The following NEDD4L variants were observed in gnomAD, a reference collection of about 807,000 sequenced individuals.
The protein encoded by NEDD4L is E3 ubiquitin-protein ligase NEDD4-like.
Under a neutral mutation model 148.9 loss-of-function variants are expected in NEDD4L, and 54 were observed. The observed-to-expected ratio is 0.36, with a 90% confidence interval of 0.29 to 0.45. The LOEUF (loss-of-function observed/expected upper bound fraction) is 0.45, where lower values mean the gene tolerates loss of function less well. NEDD4L is among the 20% of genes least tolerant of loss of function. The pLI, the probability that NEDD4L is intolerant of heterozygous loss-of-function variation, is 1.00. For missense variants in NEDD4L, 856 were observed against 1,233.8 expected (o/e 0.69, Z 4.59); for synonymous variants, 433 against 440.7 (o/e 0.98, Z 0.22).
intron 24 of NEDD4L, among the ~76,000 whole-genome samples, chr18:58,378,274 T>C (rs2047839277): frequency 6.6e-6 from 1 of 152,184 alleles, no homozygotes; most frequent in South Asian, 2.1e-4. Flanking sequence ...TGGATCTCTC[T>C]GTTAAGATTT....
intron 5 of NEDD4L, among the ~76,000 whole-genome samples, chr18:58,279,806 G>A (rs1383543997): frequency 2.0e-5 from 3 of 152,144 alleles, no homozygotes; most frequent in Admixed American, 1.3e-4. Flanking sequence ...AAATATTGTG[G>A]CCTCTATTTA....
rs964462807 is a variant in NEDD4L at position 58,323,285 on chromosome 18, A to G, written c.464A>G (p.Lys155Arg). The change falls in exon 8 of 31, where the codon AAA becomes AGA. Residue 155 changes from lysine (K) to arginine (R), a missense_variant. Physicochemically the swap from Lys to Arg is conservative, Grantham distance 26 (BLOSUM62 2). This residue lies in a region of NEDD4L where 193 missense variants were observed against 244.2 expected (regional missense o/e 0.79). Transcript: ENST00000400345. ...CGATTGAAAATGGCCTATATGCCAA[A>G]AAATGGAGGTCAAGATGAAGAAAAC... is the stretch of plus-strand genomic sequence containing the variant. The part of the protein sequence containing the change: ...FLRLKMAYMP[K>R]NGGQDEENSD... 1 of 1,604,486 alleles carries G rather than the reference A, an allele frequency of 6.2e-7. No homozygotes were observed. The highest frequency in any genetic ancestry group is 2.2e-5 in the East Asian group (1 of 44,708).
chr18:58,065,800 C>T (rs1397086689), intron 1 of NEDD4L, among the ~76,000 whole-genome samples: 1 of 152,174 alleles, frequency 6.6e-6, no homozygotes, highest in Non-Finnish European at 1.5e-5. Context: ...TGAACCTTTT[C>T]TAGAAGTTAA....
chr18:58,235,106 G>A (rs146659922), intron 2 of NEDD4L, among the ~76,000 whole-genome samples: 53 of 151,874 alleles, frequency 3.5e-4, no homozygotes, highest in African/African-American at 1.2e-3. Context: ...GAAGGGCTTA[G>A]GACGGTGCTT....
intron 11 of NEDD4L, among the ~76,000 whole-genome samples, chr18:58,333,143 T>TG (rs1006520747): frequency 1.1e-4 from 17 of 151,808 alleles, no homozygotes; most frequent in South Asian, 4.2e-4. Context: ...CCAAGTGTGG[T>TG]GGGGGGGGCT....
chr18:58,317,979 C>T (rs754950251), intron 6 of NEDD4L, among the ~76,000 whole-genome samples: 20 of 152,230 alleles, frequency 1.3e-4, no homozygotes, highest in Middle Eastern at 3.4e-3. Context: ...GGCAGTAGAA[C>T]CCAAGTTGCG....
intron 1 of NEDD4L, among the ~76,000 whole-genome samples, chr18:58,074,434 ATTTTTT>A (rs544878321): frequency 1.8e-5 from 2 of 111,764 alleles, no homozygotes; most frequent in Non-Finnish European, 1.9e-5. Context: ...AATTTTTTGT[ATTTTTT>A]TTTTTTTTTT....
chr18:58,285,495 A>T (rs2053766405), intron 5 of NEDD4L, among the ~76,000 whole-genome samples: 1 of 152,120 alleles, frequency 6.6e-6, no homozygotes, highest in African/African-American at 2.4e-5. Context: ...TACAGAATTC[A>T]GATTCCTCTC....
intron 2 of NEDD4L, among the ~76,000 whole-genome samples, chr18:58,224,995 T>C (rs150254916): frequency 6.6e-6 from 1 of 152,288 alleles, no homozygotes; most frequent in African/African-American, 2.4e-5. Context: ...AAATTATTTG[T>C]TTATTGATAG....
intron 13 of NEDD4L, among the ~76,000 whole-genome samples, chr18:58,340,806 C>T (rs144967687): frequency 4.7e-4 from 72 of 152,306 alleles, no homozygotes; most frequent in African/African-American, 1.6e-3. Flanking sequence ...GGTCTTAGAA[C>T]CAAGTTCTGT....
intron 2 of NEDD4L, among the ~76,000 whole-genome samples, chr18:58,173,887 G>T (rs1211938238): frequency 6.6e-6 from 1 of 152,178 alleles, no homozygotes; most frequent in African/African-American, 2.4e-5. Context: ...TGAGAATTCT[G>T]TATTGCATTT....
intron 1 of NEDD4L, among the ~76,000 whole-genome samples, chr18:58,127,320 C>T (rs996823227): frequency 2.6e-5 from 4 of 152,220 alleles, no homozygotes; most frequent in South Asian, 4.1e-4. Flanking sequence ...CATCACAGGA[C>T]GACATTCTGT....
chr18:58,221,622 G>A (rs769067689), intron 2 of NEDD4L: 23 of 985,302 alleles, frequency 2.3e-5, no homozygotes, highest in African/African-American at 1.7e-4. Context: ...AGGTGTGTAC[G>A]GGCACTGCTT....
At chr18:58,055,755 T>C (rs1338318238) in intron 1 of NEDD4L, among the ~76,000 whole-genome samples, 10 of 152,248 alleles carry the variant, frequency 6.6e-5, no homozygotes. Flanking sequence ...TTCTCTCCAC[T>C]GTGGACACTT....
intron 1 of NEDD4L, among the ~76,000 whole-genome samples, chr18:58,069,040 G>A (rs953359188): frequency 6.7e-6 from 1 of 150,152 alleles, no homozygotes; most frequent in Non-Finnish European, 1.5e-5. Context: ...CAGAGCTGAG[G>A]CACAAGAATC....
At chr18:58,336,407 C>G (rs1281019132) in intron 13 of NEDD4L, among the ~76,000 whole-genome samples, 1 of 152,042 alleles carries the variant, frequency 6.6e-6, no homozygotes, top group African/African-American at 2.4e-5. Context: ...GAAACCCCGT[C>G]TCTACTAAAA....
intron 25 of NEDD4L, among the ~76,000 whole-genome samples, chr18:58,384,383 C>T (rs1297260962): frequency 1.3e-5 from 2 of 152,194 alleles, no homozygotes; most frequent in Non-Finnish European, 2.9e-5. Context: ...TCGGTTCTTA[C>T]CTGGCCACAT....
chr18:58,395,840 T>A (rs2050423462), intron 30 of NEDD4L, among the ~76,000 whole-genome samples: 1 of 152,202 alleles, frequency 6.6e-6, no homozygotes, highest in Non-Finnish European at 1.5e-5. Flanking sequence ...TCTTAATTCG[T>A]GGGTAACTCC....
chr18:58,128,674 T>C (rs2031565058), intron 1 of NEDD4L, among the ~76,000 whole-genome samples: 1 of 152,240 alleles, frequency 6.6e-6, no homozygotes, highest in Non-Finnish European at 1.5e-5. Flanking sequence ...TAGGCAGCTA[T>C]GGCTGGATGG....
Sources: gnomAD v4.1 joint callset for allele counts (sites outside exome capture counted in the v4.1 genomes callset) on GRCh38, gnomAD v4.1.1 for gene constraint, gnomAD v4.1.1 regional missense constraint, MANE v1.5 for transcripts, NCBI Gene and HGNC (gene_info 2026-07-23, HGNC 2026-07-21) for gene names.